ADAM12: variants seen among roughly 807,000 people sequenced by gnomAD.
ADAM12 encodes ADAM metallopeptidase domain 12, also known as disintegrin and metalloproteinase domain-containing protein 12.
A neutral mutation model predicts 106.4 loss-of-function variants in ADAM12; 70 were observed. The ratio of observed to expected loss-of-function variants is 0.66; its 90% CI spans 0.54 to 0.80. ADAM12 has a LOEUF of 0.80. Ranked by LOEUF, ADAM12 falls within the 30% of genes least tolerant of loss-of-function variation. The pLI is 0.00. For missense variants in ADAM12, 1,010 were observed against 1,171.9 expected (o/e 0.86, Z 2.02); for synonymous variants, 420 against 433.5 (o/e 0.97, Z 0.39).
chr10:126,172,700 G>A (rs529718171), intron 3 of ADAM12, among the ~76,000 whole-genome samples: 18 of 152,278 alleles, frequency 1.2e-4, no homozygotes, highest in Admixed American at 3.3e-4. Context: ...AAAGTGTGGC[G>A]ATTCCTCAAG....
chr10:126,041,208 G>C (rs1304761926), intron 18 of ADAM12: 1 of 399,998 alleles, frequency 2.5e-6, no homozygotes, highest in Non-Finnish European at 3.4e-6. Flanking sequence ...ACCCAGGAGA[G>C]TGGCTGGTGT....
chr10:126,171,063 A>G (rs1206699624), intron 3 of ADAM12, among the ~76,000 whole-genome samples: 2 of 152,234 alleles, frequency 1.3e-5, no homozygotes, highest in Non-Finnish European at 2.9e-5. Flanking sequence ...TGCTTCCTCC[A>G]TATGGACTCT....
intron 2 of ADAM12, among the ~76,000 whole-genome samples, chr10:126,330,064 A>T (rs1200774442): frequency 6.6e-6 from 1 of 152,240 alleles, no homozygotes; most frequent in African/African-American, 2.4e-5. Flanking sequence ...TCTAGCAATA[A>T]TCAATTCGAG....
At chr10:126,195,022 T>C (rs1394187595) in intron 3 of ADAM12, among the ~76,000 whole-genome samples, 1 of 152,112 alleles carries the variant, frequency 6.6e-6, no homozygotes, top group African/African-American at 2.4e-5. Context: ...TAATTACGTA[T>C]CTGCCTTAAA....
intron 2 of ADAM12, among the ~76,000 whole-genome samples, chr10:126,311,597 C>A (rs777337469): frequency 5.3e-5 from 8 of 151,948 alleles, no homozygotes; most frequent in Non-Finnish European, 1.2e-4. Context: ...TCCAGCCCAC[C>A]CCCATCCTCT....
intron 1 of ADAM12, among the ~76,000 whole-genome samples, chr10:126,373,373 C>T (rs1856177144): frequency 6.6e-6 from 1 of 152,170 alleles, no homozygotes; most frequent in African/African-American, 2.4e-5. Context: ...CTCAGCTTGG[C>T]CCCATCATTA....
At chr10:126,239,868 A>G (rs1267437477) in intron 3 of ADAM12, among the ~76,000 whole-genome samples, 1 of 152,228 alleles carries the variant, frequency 6.6e-6, no homozygotes, top group Non-Finnish European at 1.5e-5. Flanking sequence ...TTGCCCCATG[A>G]TGGGCAGGTG....
chr10:126,094,414 G>T (rs756826012), intron 10 of ADAM12, among the ~76,000 whole-genome samples: 1 of 152,088 alleles, frequency 6.6e-6, no homozygotes, highest in Admixed American at 6.5e-5. Context: ...TCAAGGCAGG[G>T]TCTCCATTCT....
At chr10:126,082,996 C>A (rs999578266) in intron 11 of ADAM12, among the ~76,000 whole-genome samples, 1 of 152,244 alleles carries the variant, frequency 6.6e-6, no homozygotes, top group African/African-American at 2.4e-5. Context: ...TATGTGCAAC[C>A]AAGTAGCACG....
chr10:126,121,410 TTATATAATATGCAATATATTA>T (rs1267387671), intron 5 of ADAM12, among the ~76,000 whole-genome samples: 1 of 130,016 alleles, frequency 7.7e-6, no homozygotes, highest in Non-Finnish European at 1.6e-5. Flanking sequence ...ATATTGCATA[TTATATAATATGCAATATATTA>T]TATATTGCAT....
At chr10:126,097,980 T>TA (rs1565054322) in intron 10 of ADAM12, among the ~76,000 whole-genome samples, 1 of 152,236 alleles carries the variant, frequency 6.6e-6, no homozygotes, top group Non-Finnish European at 1.5e-5. Context: ...GGTAAAAAGC[T>TA]AAAAACCTCA....
intron 3 of ADAM12, among the ~76,000 whole-genome samples, chr10:126,210,355 C>T (rs1034014441): frequency 3.3e-5 from 5 of 152,290 alleles, no homozygotes; most frequent in East Asian, 3.9e-4. Context: ...GAGAGAGAGA[C>T]AGCCCCTACA....
At chr10:126,133,321 A>G (rs1233845140) in intron 5 of ADAM12, among the ~76,000 whole-genome samples, 1 of 151,976 alleles carries the variant, frequency 6.6e-6, no homozygotes, top group Non-Finnish European at 1.5e-5. Context: ...CTGGTAGTGG[A>G]TTTTGCTGCA....
intron 11 of ADAM12, among the ~76,000 whole-genome samples, chr10:126,079,065 T>C (rs1023106285): frequency 6.6e-6 from 1 of 152,292 alleles, no homozygotes; most frequent in South Asian, 2.1e-4. Context: ...GAAATGCACA[T>C]TCTCAAGCCC....
At chr10:126,377,895 C>T (rs1475697639) in intron 1 of ADAM12, among the ~76,000 whole-genome samples, 1 of 152,062 alleles carries the variant, frequency 6.6e-6, no homozygotes, top group African/African-American at 2.4e-5. Flanking sequence ...TCCAGTTATT[C>T]TAAAAGCGAA....
At chr10:126,300,002 G>A (rs866236633) in intron 2 of ADAM12, among the ~76,000 whole-genome samples, 3 of 152,202 alleles carry the variant, frequency 2.0e-5, no homozygotes, top group East Asian at 1.9e-4. Context: ...CACCATCTTC[G>A]AAGTATTCCT....
At chr10:126,335,917 G>A (rs562517209) in intron 1 of ADAM12, among the ~76,000 whole-genome samples, 24 of 152,174 alleles carry the variant, frequency 1.6e-4, no homozygotes, top group Middle Eastern at 3.4e-3. Flanking sequence ...AATTCCCAAA[G>A]AGGTACGCTC....
intron 12 of ADAM12, among the ~76,000 whole-genome samples, chr10:126,071,040 A>T (rs534762730): frequency 2.0e-5 from 3 of 152,306 alleles, no homozygotes; most frequent in African/African-American, 7.2e-5. Flanking sequence ...AGCAAGGCAG[A>T]ATTTCAACTG....
At chr10:126,375,715 G>C (rs75059197) in intron 1 of ADAM12, among the ~76,000 whole-genome samples, 10,228 of 143,134 alleles carry the variant, frequency 0.071, 483 homozygotes, top group East Asian at 0.16. Context: ...AAAAAAACAA[G>C]GAGACTAGCA....
Sources: gnomAD v4.1 joint callset for allele counts (sites outside exome capture counted in the v4.1 genomes callset) on GRCh38, gnomAD v4.1.1 for gene constraint, MANE v1.5 for transcripts, NCBI Gene and HGNC (gene_info 2026-07-23, HGNC 2026-07-21) for gene names.